Variants in CD86 observed in about 807,000 individuals in gnomAD.
CD86 encodes CD86 molecule.
In CD86, 11 loss-of-function variants were observed where a neutral mutation model predicts 32.1. The observed-to-expected ratio is 0.34, with a 90% CI of 0.22 to 0.57. CD86 has a LOEUF of 0.57. Ranked by LOEUF, CD86 falls within the 20% of genes least tolerant of loss-of-function variation. The probability of loss-of-function intolerance (pLI) is 0.86; values close to 1 mark genes in which losing one functional copy is unlikely to be tolerated. For missense variants in CD86, 359 were observed against 398.4 expected, an observed-to-expected ratio of 0.90 and a Z score of 0.84; for synonymous variants, 137 against 135.3, an observed-to-expected ratio of 1.01 and a Z score of -0.09.
intron 1 of CD86, among the ~76,000 whole-genome samples, chr3:122,071,284 C>T (rs1331163872): frequency 1.3e-5 from 2 of 152,076 alleles, no homozygotes; most frequent in African/African-American, 4.8e-5. Context: ...GCCTGTTGAC[C>T]CTTCCCACCC....
Position 122,080,058 on chromosome 3 carries a change from A to G in CD86, c.15-11543A>G, listed in dbSNP as rs114343494. ...CAGCAGGGTAGGACTGGTGCACAGT[A>G]TGGGGAGAGAAGGCCCCTCAAGTTG... On this transcript the variant is annotated intron_variant, in intron 1 of 6. Transcript: ENST00000330540. Among the ~76,000 whole-genome samples the G allele has an allele frequency of 5.1e-3, 776 of 152,236 alleles. 6 individuals are homozygous for G. Among genetic ancestry groups the G allele is most frequent in the African/African-American group, 0.017 (715 of 41,548 alleles).
intron 1 of CD86, among the ~76,000 whole-genome samples, chr3:122,068,489 C>T (rs976940042): frequency 8.5e-5 from 13 of 152,050 alleles, no homozygotes; most frequent in African/African-American, 2.7e-4. Context: ...TCTCAGAATA[C>T]GTAAATGCAC....
intron 1 of CD86, among the ~76,000 whole-genome samples, chr3:122,068,071 T>C (rs970505370): frequency 6.6e-6 from 1 of 152,000 alleles, no homozygotes; most frequent in Non-Finnish European, 1.5e-5. Context: ...CAGTGCCCCG[T>C]CCCCAGCTCT....
intron 1 of CD86, among the ~76,000 whole-genome samples, chr3:122,066,923 G>A (rs1195767856): frequency 6.6e-6 from 1 of 152,116 alleles, no homozygotes; most frequent in Admixed American, 6.6e-5. Flanking sequence ...AAAAAAAGAG[G>A]GTTCAGGCTC....
chr3:122,092,915 A>G (rs1188557360), intron 2 of CD86, among the ~76,000 whole-genome samples: 1 of 152,086 alleles, frequency 6.6e-6, no homozygotes, highest in Non-Finnish European at 1.5e-5. Flanking sequence ...GCCTTTTCAG[A>G]TTTCTGTTTT....
At chr3:122,101,224 A>C (rs552865803) in intron 2 of CD86, among the ~76,000 whole-genome samples, 4 of 152,172 alleles carry the variant, frequency 2.6e-5, no homozygotes, top group Admixed American at 2.6e-4. Context: ...ACAGCTGCTC[A>C]AACTATAGCT....
At chr3:122,059,743 G>C (rs1458190404) in intron 1 of CD86, among the ~76,000 whole-genome samples, 1 of 152,064 alleles carries the variant, frequency 6.6e-6, no homozygotes, top group Non-Finnish European at 1.5e-5. Flanking sequence ...CAGGGCTTCA[G>C]GATTTGATCA....
intron 1 of CD86, among the ~76,000 whole-genome samples, chr3:122,085,664 A>T (rs2072704872): frequency 6.6e-6 from 1 of 152,154 alleles, no homozygotes; most frequent in South Asian, 2.1e-4. Flanking sequence ...TGTTCAGGCA[A>T]AGGGCAGGAT....
Position 122,119,742 on chromosome 3 carries a change from T to G in CD86, c.*208T>G. On this transcript the variant is annotated 3_prime_UTR_variant, in exon 7 of 7. Coordinates refer to ENST00000330540, the MANE Select transcript of CD86 (RefSeq NM_175862.5). ...AGGAGACTTTAATTCTCTTACTGCT[T>G]CTTTTCACTTCAGAGCACACTTATG... is the stretch of plus-strand genomic sequence containing the variant. The G allele has an allele frequency of 4.0e-6, 2 of 505,076 alleles. No individual in the cohort carries two copies. Among genetic ancestry groups the G allele is most frequent in the South Asian group, 2.7e-5 (1 of 36,848 alleles). 31.3% of individuals were successfully genotyped at this position (505,076 alleles called of 1,614,324 possible). A position where few individuals can be genotyped will look rare whatever the true frequency, so the allele number is the denominator to read the frequency against.
intron 1 of CD86, among the ~76,000 whole-genome samples, chr3:122,067,114 G>A (rs1386801597): frequency 6.6e-6 from 1 of 152,208 alleles, no homozygotes; most frequent in Admixed American, 6.5e-5. Flanking sequence ...TGGTTCAAGT[G>A]AAACTGTTGT....
At chr3:122,074,711 T>C (rs1018921646) in intron 1 of CD86, among the ~76,000 whole-genome samples, 1 of 152,170 alleles carries the variant, frequency 6.6e-6, no homozygotes, top group African/African-American at 2.4e-5. Context: ...CTGGTGAAGT[T>C]TGGTGAGGTC....
In CD86 at chr3:122,103,530, T is replaced by G. The variant is rs539519506; in HGVS notation, c.83T>G (p.Ile28Ser). The change falls in exon 3 of 7, where the codon ATT becomes AGT. Residue 28 changes from isoleucine to serine, a missense_variant. By Grantham distance (142) the Ile-to-Ser change is moderately radical (BLOSUM62 -2). Transcript: ENST00000330540. ...FLLSGAAPLK[I>S]QAYFNETADL... ...TTTTTAGGTGCTGCTCCTCTGAAGA[T>G]TCAAGCTTATTTCAATGAGACTGCA... The G allele has an allele frequency of 4.1e-4, 666 of 1,612,186 alleles. 7 individuals carry two copies. The South Asian group carries it at 6.7e-3, about 16-fold the overall frequency.
intron 4 of CD86, 118 bp downstream of exon 4, chr3:122,106,618 T>C (rs1466147655): frequency 2.3e-6 from 2 of 872,912 alleles, no homozygotes; most frequent in Non-Finnish European, 3.6e-6. Flanking sequence ...TTTATGACGC[T>C]GTTAGGAAGG....
chr3:122,079,037 A>C (rs1313415472), intron 1 of CD86, among the ~76,000 whole-genome samples: 4 of 152,212 alleles, frequency 2.6e-5, no homozygotes, highest in Non-Finnish European at 4.4e-5. Context: ...AGTGCTTGCT[A>C]TGTTCCAGGT....
intron 1 of CD86, among the ~76,000 whole-genome samples, chr3:122,076,246 A>G (rs1243853793): frequency 6.6e-6 from 1 of 152,254 alleles, no homozygotes; most frequent in Non-Finnish European, 1.5e-5. Context: ...AGTAGCTAGA[A>G]TGATGAAAGT....
At chr3:122,075,095 TG>T (rs1293135328) in intron 1 of CD86, among the ~76,000 whole-genome samples, 2 of 150,002 alleles carry the variant, frequency 1.3e-5, no homozygotes, top group Non-Finnish European at 3.0e-5. Flanking sequence ...ACTTGACATG[TG>T]AAAAAAAAAA....
Position 122,106,338 on chromosome 3 carries a change from G to A in CD86, c.541G>A (p.Glu181Lys), listed in dbSNP as rs754046568. The A allele has an allele frequency of 1.4e-5, 22 of 1,613,928 alleles. No individual in the cohort carries two copies. The highest frequency in any genetic ancestry group is 1.6e-4 in the Middle Eastern group (1 of 6,084). ...VLLRTKNSTI[E>K]YDGVMQKSQD... ...GCTAAGAACCAAGAATTCAACTATCGAGTATGATGGTGTTATGCAGAAATC... is the reference window on the plus strand; with the variant it reads ...GCTAAGAACCAAGAATTCAACTATCAAGTATGATGGTGTTATGCAGAAATC... Residue 181 changes from glutamate (E) to lysine (K), a missense_variant, in exon 4 of 7, where the codon GAG becomes AAG. Physicochemically the swap from Glu to Lys is moderately conservative, Grantham distance 56. Coordinates refer to ENST00000330540, the MANE Select transcript of CD86 (RefSeq NM_175862.5).
chr3:122,090,070 G>T (rs1473099398), intron 1 of CD86, among the ~76,000 whole-genome samples: 1 of 152,176 alleles, frequency 6.6e-6, no homozygotes, highest in East Asian at 1.9e-4. Flanking sequence ...TACCTCTGTG[G>T]AAGAAAACTA....
rs776229004 is a variant in CD86 at position 122,106,256 on chromosome 3, A to G, written c.459A>G (p.Ile153Met). The change falls in exon 4 of 7, where the codon ATA (isoleucine) becomes ATG (methionine). Residue 153 changes from isoleucine (I) to methionine (M), a missense_variant. Physicochemically the swap from Ile to Met is conservative, Grantham distance 10. Transcript: ENST00000330540. Reference sequence around the variant, plus strand: ...CTAATATAACAGAAAATGTGTACATAAATTTGACCTGCTCATCTATACACG... The same window carrying G: ...CTAATATAACAGAAAATGTGTACATGAATTTGACCTGCTCATCTATACACG... ...PISNITENVY[I>M]NLTCSSIHGY... is the part of the protein sequence containing the mutation. 5.0e-6 allele frequency: 8 copies of G among 1,612,960 alleles called. No homozygotes were observed. In the Admixed American group the frequency reaches 1.3e-4, roughly 27 times the overall value.
Sources: allele counts gnomAD v4.1 joint callset (sites outside exome capture counted in the v4.1 genomes callset), GRCh38; gene constraint gnomAD v4.1.1; transcripts MANE v1.5; gene names NCBI Gene and HGNC (gene_info 2026-07-23, HGNC 2026-07-21).